The following TCERG1L variants were observed in gnomAD, a reference collection of about 807,000 sequenced individuals.
TCERG1L encodes the protein transcription elongation regulator 1 like.
In TCERG1L, 37 loss-of-function variants were observed where a neutral mutation model predicts 56.3. That is an observed-to-expected ratio of 0.66 (90% confidence interval 0.51 to 0.87). TCERG1L has a LOEUF of 0.87. Among genes scored for constraint, TCERG1L ranks in the 40% least tolerant of loss-of-function variants. TCERG1L has a pLI of 0.00. For synonymous variants in TCERG1L, 324 were observed against 326.3 expected (o/e 0.99, Z 0.08); for missense variants, 799 against 774.2 (o/e 1.03, Z -0.38).
chr10:131,183,208 G>C (rs528116753), intron 4 of TCERG1L, among the ~76,000 whole-genome samples: 1 of 152,286 alleles, frequency 6.6e-6, no homozygotes, highest in South Asian at 2.1e-4. Context: ...CACCATAGGG[G>C]CTTCTCTGAC....
intron 3 of TCERG1L, among the ~76,000 whole-genome samples, chr10:131,283,835 C>A (rs908231789): frequency 6.6e-6 from 1 of 152,046 alleles, no homozygotes; most frequent in Non-Finnish European, 1.5e-5. Flanking sequence ...AAGAGATAAA[C>A]AGTATAAAAG....
chr10:131,160,371 A>G (rs1183658636), intron 6 of TCERG1L, among the ~76,000 whole-genome samples: 2 of 152,174 alleles, frequency 1.3e-5, no homozygotes, highest in South Asian at 2.1e-4. Context: ...CCCAGGCCCA[A>G]GCCCTCACCC....
At chr10:131,258,592 G>T (rs1826563467) in intron 4 of TCERG1L, among the ~76,000 whole-genome samples, 1 of 152,128 alleles carries the variant, frequency 6.6e-6, no homozygotes, top group African/African-American at 2.4e-5. Flanking sequence ...CTATGGGCAG[G>T]GTTTCCAGGT....
chr10:131,193,763 TC>T (rs1773656963), intron 4 of TCERG1L, among the ~76,000 whole-genome samples: 1 of 152,270 alleles, frequency 6.6e-6, no homozygotes, highest in South Asian at 2.1e-4. Flanking sequence ...TAATTTGAAG[TC>T]AGGTAATGTG....
chr10:131,260,324 A>G lies in TCERG1L; in HGVS notation c.791T>C (p.Val264Ala). ...ENLRGPSPSSVQPRHFLTLAP... is the reference protein window; with the variant it reads ...ENLRGPSPSSAQPRHFLTLAP... ...CAAGGTCAGGAAGTGGCGCGGCTGC[A>G]CGCTGGAGGGGGACGGGCCCCGGAG... is the stretch of plus-strand genomic sequence containing the variant. Residue 264 changes from valine to alanine, a missense_variant, in exon 4 of 12, where the codon GTG becomes GCG. Physicochemically the swap from Val to Ala is moderately conservative, Grantham distance 64 (BLOSUM62 0). Transcript: ENST00000368642. This position sits in a 1 kb window ranked among gnomAD's most constrained non-coding sequence, Gnocchi z 5.8. 1 of 1,458,342 alleles carries G rather than the reference A, an allele frequency of 6.9e-7. No individual in the cohort carries two copies. Among genetic ancestry groups the G allele is most frequent in the Non-Finnish European group, 9.0e-7 (1 of 1,107,618 alleles). 90.3% of individuals were successfully genotyped at this position (1,458,342 alleles called of 1,614,324 possible).
intron 11 of TCERG1L, among the ~76,000 whole-genome samples, chr10:131,094,713 T>C (rs1479533903): frequency 6.6e-6 from 1 of 152,018 alleles, no homozygotes; most frequent in East Asian, 1.9e-4. Context: ...TCCCGGTTCC[T>C]TTCTTCCTTC....
chr10:131,271,743 C>A (rs181082633), intron 3 of TCERG1L, among the ~76,000 whole-genome samples: 7 of 152,278 alleles, frequency 4.6e-5, no homozygotes, highest in African/African-American at 1.7e-4. Flanking sequence ...GAGGCCTCCC[C>A]GAGGGCAGAG....
rs77989841 is a variant in TCERG1L, at chr10:131,118,045, C to T, written c.1260-1111G>A. Among the ~76,000 whole-genome samples the T allele has an allele frequency of 2.0e-5, 3 of 152,256 alleles. No individual in the cohort carries two copies. The highest frequency in any genetic ancestry group is 6.5e-5 in the Admixed American group (1 of 15,308). On this transcript the variant is annotated intron_variant, in intron 8 of 11. Transcript: ENST00000368642. This position sits in a 1 kb window ranked among gnomAD's most constrained non-coding sequence, Gnocchi z 4.2. ...GCAGACTCAACCCGCGCTGGGTTGG[C>T]GCACCCTCACTCTGACCATGCTGAG... is the stretch of plus-strand genomic sequence containing the variant.
intron 4 of TCERG1L, among the ~76,000 whole-genome samples, chr10:131,225,121 A>C (rs1005771067): frequency 6.6e-6 from 1 of 151,928 alleles, no homozygotes; most frequent in Non-Finnish European, 1.5e-5. Flanking sequence ...CAGTAGTCCG[A>C]CTCACTCCCA....
chr10:131,217,942 T>G (rs1564818262), intron 4 of TCERG1L, among the ~76,000 whole-genome samples: 1 of 152,066 alleles, frequency 6.6e-6, no homozygotes, highest in Non-Finnish European at 1.5e-5. Flanking sequence ...GCCAGGATGG[T>G]CTCGATCTCC....
rs562589888 is a variant in TCERG1L, at chr10:131,244,203, G to T, written c.856+16056C>A. On this transcript the variant is annotated intron_variant, in intron 4 of 11. Coordinates refer to ENST00000368642, the MANE Select transcript of TCERG1L (RefSeq NM_174937.4). ...GTGGAGGCCCGGGGTCCTGGGGCAG[G>T]AGGCCCTTGCTCATCACCAGCCATC... is the stretch of plus-strand genomic sequence containing the variant. Among the ~76,000 whole-genome samples the T allele has an allele frequency of 5.1e-4, 77 of 152,292 alleles. No homozygotes were observed. The South Asian group carries it at 9.3e-3, about 18-fold the overall frequency.
chr10:131,125,901 A>G (rs1469298693), intron 8 of TCERG1L, among the ~76,000 whole-genome samples: 1 of 152,194 alleles, frequency 6.6e-6, no homozygotes, highest in African/African-American at 2.4e-5. Context: ...GACACTGCCC[A>G]GTGCACAGAG....
At chr10:131,156,108 T>C (rs949901191) in intron 6 of TCERG1L, 2 of 152,220 alleles carry the variant, frequency 1.3e-5, no homozygotes, top group African/African-American at 4.8e-5. Flanking sequence ...CACAGGCTGA[T>C]GTGACCGAGC....
At chr10:131,151,325 T>C (rs923713690) in intron 6 of TCERG1L, among the ~76,000 whole-genome samples, 19 of 152,216 alleles carry the variant, frequency 1.2e-4, no homozygotes, top group African/African-American at 4.1e-4. Context: ...AAGACACAAA[T>C]GGGCGTACAG....
chr10:131,308,262 G>A lies in TCERG1L; in HGVS notation c.619C>T (p.Pro207Ser), dbSNP rs761955297. 1 of 1,613,862 alleles carries A rather than the reference G, an allele frequency of 6.2e-7. No homozygotes were observed. The highest frequency in any genetic ancestry group is 8.5e-7 in the Non-Finnish European group (1 of 1,179,884). ...QVAVSLSRPA[P>S]ASRPLPTVVL... ...ACCGTGGGGAGCGGCCTGGAGGCAGGAGCCGGCCTGGACAGAGACACAGCT... is the reference window on the plus strand; with the variant it reads ...ACCGTGGGGAGCGGCCTGGAGGCAGAAGCCGGCCTGGACAGAGACACAGCT... The change falls in exon 3 of 12, where the codon CCT (proline) becomes TCT (serine). Residue 207 changes from proline (P) to serine (S), a missense_variant. Transcript: ENST00000368642.
chr10:131,291,553 A>G (rs1224878219), intron 3 of TCERG1L, among the ~76,000 whole-genome samples: 1 of 149,700 alleles, frequency 6.7e-6, no homozygotes, highest in Non-Finnish European at 1.5e-5. Flanking sequence ...CAGCCTCCCA[A>G]GTAGCTGGGA....
chr10:131,113,450 G>A (rs1393396325), intron 9 of TCERG1L, among the ~76,000 whole-genome samples: 1 of 142,128 alleles, frequency 7.0e-6, no homozygotes, highest in African/African-American at 2.5e-5. Context: ...TACTCATCCG[G>A]GGAGACGGAC....
rs530588288 is a variant in TCERG1L at position 131,099,115 on chromosome 10, C to G, written c.1486-691G>C. Among the ~76,000 whole-genome samples, 22 of 152,286 alleles carry G rather than the reference C, an allele frequency of 1.4e-4. No homozygotes were observed. In the South Asian group the frequency reaches 3.9e-3, roughly 27 times the overall value. The stretch of plus-strand genomic sequence containing the variant: ...GGAGGCCTGACCCTCGGGCACTGGG[C>G]ACTCCCATCTGACCAGAAATGCATC... On this transcript the variant is annotated intron_variant, in intron 10 of 11. Transcript: ENST00000368642.
intron 4 of TCERG1L, among the ~76,000 whole-genome samples, chr10:131,243,559 G>A (rs763118717): frequency 6.6e-6 from 1 of 152,202 alleles, no homozygotes; most frequent in Non-Finnish European, 1.5e-5. Flanking sequence ...GCAACAGAGT[G>A]AGACTCTGTC....
Sources: gnomAD v4.1 joint callset for allele counts (sites outside exome capture counted in the v4.1 genomes callset) on GRCh38, gnomAD v4.1.1 for gene constraint, Gnocchi (gnomAD v3.1) non-coding constraint, MANE v1.5 for transcripts, NCBI Gene and HGNC (gene_info 2026-07-23, HGNC 2026-07-21) for gene names.